The following NAA16 variants were observed in gnomAD, a reference collection of about 807,000 sequenced individuals.
NAA16 encodes NARG1-like protein.
Under a neutral mutation model 110.3 loss-of-function variants are expected in NAA16, and 97 were observed. The observed-to-expected ratio is 0.88, with a 90% CI of 0.75 to 1.04. The LOEUF (loss-of-function observed/expected upper bound fraction) is 1.04. Ranked by LOEUF, NAA16 falls within the 50% of genes least tolerant of loss-of-function variation. The pLI is 0.00. For missense variants in NAA16, 1,017 were observed against 1,005.1 expected (o/e 1.01, Z -0.16); for synonymous variants, 372 against 330.6 (o/e 1.13, Z -1.36).
chr13:41,345,304 C>T (rs2042652589), intron 9 of NAA16, among the ~76,000 whole-genome samples: 1 of 152,178 alleles, frequency 6.6e-6, no homozygotes, highest in African/African-American at 2.4e-5. Context: ...TACATTCTCA[C>T]AAGCAGTATA....
chr13:41,362,814 G>A (rs2043140118), intron 13 of NAA16: 2 of 1,289,438 alleles, frequency 1.6e-6, no homozygotes, highest in African/African-American at 1.5e-5. Context: ...CAGTTGTGGG[G>A]GCAATCGGCA....
intron 3 of NAA16, among the ~76,000 whole-genome samples, 166 bp from the exon 4 acceptor site, chr13:41,320,501 C>G (rs549691161): frequency 6.6e-5 from 10 of 152,322 alleles, no homozygotes; most frequent in Admixed American, 6.5e-4. Flanking sequence ...CCAGCCTGCT[C>G]TGGTTTCGTC....
At chr13:41,373,867 G>A (rs2043373916) in intron 18 of NAA16, 87 bp downstream of exon 18, 3 of 1,499,190 alleles carry the variant, frequency 2.0e-6, no homozygotes, top group Middle Eastern at 1.8e-4. Flanking sequence ...TAAAGCAAAT[G>A]AACAGTACTG....
In NAA16 at chr13:41,369,112, G is replaced by A; in HGVS notation, c.1776G>A (p.Leu592=). Residue 592 remains leucine, a synonymous_variant, in exon 15 of 20, where the codon TTG becomes TTA. Coordinates refer to ENST00000379406, the MANE Select transcript of NAA16 (RefSeq NM_024561.5). ...TAGAAAACTTGTCAGCCAAAGAATTGAAGAAAATGCTTAGCAAGCAGAGAA... is the reference window on the plus strand; with the variant it reads ...TAGAAAACTTGTCAGCCAAAGAATTAAAGAAAATGCTTAGCAAGCAGAGAA... ...INSENLSAKE[L]KKMLSKQRRA... is the part of the protein sequence containing the mutation. 6.4e-7 allele frequency: 1 copy of A among 1,563,848 alleles called. No individual in the cohort carries two copies. The highest frequency in any genetic ancestry group is 2.2e-5 in the Admixed American group (1 of 45,162).
chr13:41,345,518 G>T (rs1237061316), intron 9 of NAA16, among the ~76,000 whole-genome samples: 1 of 152,044 alleles, frequency 6.6e-6, no homozygotes, highest in South Asian at 2.1e-4. Context: ...TTTAGATTGG[G>T]TTATTTCTCT....
chr13:41,365,990 T>C (rs942011264), intron 13 of NAA16, among the ~76,000 whole-genome samples: 4 of 152,234 alleles, frequency 2.6e-5, no homozygotes, highest in African/African-American at 4.8e-5. Context: ...GTTAACTGTA[T>C]TGAATTTTTA....
At chr13:41,368,986 C>T (rs1287903220) in intron 14 of NAA16, 104 bp from the exon 15 acceptor site, 1 of 950,398 alleles carries the variant, frequency 1.1e-6, no homozygotes, top group East Asian at 2.6e-5. Flanking sequence ...GAACCAATCC[C>T]CCACTGATAC....
At chr13:41,321,443 C>T (rs1174893391) in intron 4 of NAA16, among the ~76,000 whole-genome samples, 4 of 152,138 alleles carry the variant, frequency 2.6e-5, no homozygotes, top group Non-Finnish European at 5.9e-5. Context: ...TCCCAAAGTT[C>T]TGGGATTACA....
chr13:41,373,606 AC>A, intron 17 of NAA16, 30 bp from the exon 18 acceptor site: 1 of 1,549,290 alleles, frequency 6.5e-7, no homozygotes. Flanking sequence ...CAGATCAAAA[AC>A]AAAAAATCCA....
intron 9 of NAA16, among the ~76,000 whole-genome samples, chr13:41,352,547 C>G (rs1437341581): frequency 6.6e-6 from 1 of 152,006 alleles, no homozygotes; most frequent in Non-Finnish European, 1.5e-5. Context: ...TCCAGCTACT[C>G]AGGAGGCTGA....
intron 7 of NAA16, 121 bp downstream of exon 7, chr13:41,328,964 A>G: frequency 1.2e-6 from 1 of 821,292 alleles, no homozygotes; most frequent in Non-Finnish European, 1.9e-6. Context: ...TCCATTTAGT[A>G]AAATTATAGG....
Position 41,328,712 on chromosome 13 carries a change from A to G in NAA16, c.692-12A>G. Reference sequence around the variant, plus strand: ...ATGTTTAAAATGAATATGTCTTTAAACTTAATTTCAGGGGAAATACTGTTG... The same window carrying G: ...ATGTTTAAAATGAATATGTCTTTAAGCTTAATTTCAGGGGAAATACTGTTG... On this transcript the variant is annotated splice_polypyrimidine_tract_variant and intron_variant, in intron 6 of 19. Transcript: ENST00000379406. 6.3e-7 allele frequency: 1 copy of G among 1,597,186 alleles called. No homozygotes were observed.
At position 41,311,436 on chromosome 13, in the gene NAA16, CA is replaced by C; in HGVS notation, c.-92del. ...AATCCATCGCCCGCAGCCCGACTCT[CA>C]GCAGCGGTTCGTCCCGGTGCCCACC... On this transcript the variant is annotated 5_prime_UTR_variant, in exon 1 of 20. Coordinates refer to ENST00000379406, the MANE Select transcript of NAA16 (RefSeq NM_024561.5). The C allele has an allele frequency of 8.1e-7, 1 of 1,241,688 alleles. No homozygotes were observed. Among genetic ancestry groups the C allele is most frequent in the Admixed American group, 2.1e-5 (1 of 47,730 alleles). The allele number at this position is 1,241,688 out of a possible 1,614,324, so 76.9% of individuals were successfully genotyped here.
intron 6 of NAA16, chr13:41,328,190 G>C (rs537557287): frequency 6.6e-6 from 1 of 152,078 alleles, no homozygotes; most frequent in Non-Finnish European, 1.5e-5. Flanking sequence ...TTACCAACCC[G>C]CTGAGCTGAC....
intron 5 of NAA16, among the ~76,000 whole-genome samples, chr13:41,324,056 A>G (rs1302443866): frequency 6.6e-6 from 1 of 152,106 alleles, no homozygotes; most frequent in Non-Finnish European, 1.5e-5. Context: ...TGTTTTCTAG[A>G]AATTTGTTGA....
rs75293743 is a variant in NAA16, at chr13:41,331,804, G to A, written c.907+435G>A. On this transcript the variant is annotated intron_variant, in intron 8 of 19. Transcript: ENST00000379406. ...GCAAAAGAGAGGACTTGAAATGTTC[G>A]CAGCACATAGAAATGATAAGTAATC... 8.0e-3 allele frequency among the ~76,000 whole-genome samples: 1,216 copies of A among 152,096 alleles called. 17 individuals carry two copies. The highest frequency in any genetic ancestry group is 0.028 in the African/African-American group (1,151 of 41,478).
intron 1 of NAA16, among the ~76,000 whole-genome samples, chr13:41,312,037 A>G (rs2041614269): frequency 6.6e-6 from 1 of 152,106 alleles, no homozygotes; most frequent in Admixed American, 6.5e-5. Flanking sequence ...ACACCCGCAT[A>G]CCTATTAAAG....
chr13:41,367,196 G>C (rs1449469752), intron 13 of NAA16, among the ~76,000 whole-genome samples: 1 of 152,050 alleles, frequency 6.6e-6, no homozygotes, highest in East Asian at 1.9e-4. Flanking sequence ...GACTTATATA[G>C]AAGTTGAGTA....
chr13:41,337,079 T>C (rs1236563775), intron 9 of NAA16, among the ~76,000 whole-genome samples: 1 of 152,216 alleles, frequency 6.6e-6, no homozygotes, highest in African/African-American at 2.4e-5. Context: ...ATTTTTAAAT[T>C]AGTTATGCAT....
Sources: gnomAD v4.1 joint callset for allele counts (sites outside exome capture counted in the v4.1 genomes callset) on GRCh38, gnomAD v4.1.1 for gene constraint, MANE v1.5 for transcripts, NCBI Gene and HGNC (gene_info 2026-07-23, HGNC 2026-07-21) for gene names.